The following ZNF234 variants were observed in gnomAD, a reference collection of about 807,000 sequenced individuals.
The protein encoded by ZNF234 is zinc finger protein 234.
ZNF234 carries 4 observed loss-of-function variants against 10.3 expected under a neutral mutation model. The observed-to-expected ratio is 0.39, with a 90% confidence interval of 0.19 to 0.89. The LOEUF is 0.89. Ranked by LOEUF, ZNF234 falls within the 40% of genes least tolerant of loss-of-function variation. The pLI is 0.38. For synonymous variants in ZNF234, 258 were observed against 280.1 expected, an observed-to-expected ratio of 0.92 and a Z score of 0.79; for missense variants, 711 against 836.1, an observed-to-expected ratio of 0.85 and a Z score of 1.85.
At chr19:44,156,221 C>T in intron 5 of ZNF234, 31 bp from the exon 6 acceptor site, 1 of 1,520,514 alleles carries the variant, frequency 6.6e-7, no homozygotes. Flanking sequence ...TTAACAGAGC[C>T]TCCACATCTC....
rs559254324 is a variant in ZNF234 at position 44,155,224 on chromosome 19, G to A, written c.236-1028G>A. Among the ~76,000 whole-genome samples the A allele has an allele frequency of 5.9e-5, 9 of 152,232 alleles. No individual in the cohort carries two copies. In the South Asian group the frequency reaches 1.9e-3, roughly 32 times the overall value. ...AATGTCTGTCAACACAGAAAAATAA[G>A]ATTAAGTGTATATGTTATGCAGAAT... is the stretch of plus-strand genomic sequence containing the variant. On this transcript the variant is annotated intron_variant, in intron 5 of 5. Transcript: ENST00000426739.
Position 44,158,880 on chromosome 19 carries a change from A to G in ZNF234, c.*761A>G, listed in dbSNP as rs1968975512. 6.6e-6 allele frequency: 1 copy of G among 152,484 alleles called. No individual in the cohort carries two copies. The highest frequency in any genetic ancestry group is 2.4e-5 in the African/African-American group (1 of 41,454). The allele number at this position is 152,484 out of a possible 1,614,324, so 9.4% of individuals were successfully genotyped here. ...CCGAATCTATACAACCTTAACATTG[A>G]CTAGTGCTTGTAGGTGTGCTCAATA... is the stretch of plus-strand genomic sequence containing the variant. On this transcript the variant is annotated 3_prime_UTR_variant, in exon 6 of 6. Coordinates refer to ENST00000426739, the MANE Select transcript of ZNF234 (RefSeq NM_006630.3).
In ZNF234 at chr19:44,147,067, G is replaced by A. The variant is rs1274029238; in HGVS notation, c.16-1704G>A. Among the ~76,000 whole-genome samples, 8 of 151,724 alleles carry A rather than the reference G, an allele frequency of 5.3e-5. No individual in the cohort carries two copies. The East Asian group carries it at 1.4e-3, about 26-fold the overall frequency. ...CTGACCTCATGATCCACCTGCCTCG[G>A]CCTCCCAAAGTGCTGGGATTACAGG... On this transcript the variant is annotated intron_variant, in intron 3 of 5. Coordinates refer to ENST00000426739, the MANE Select transcript of ZNF234 (RefSeq NM_006630.3).
chr19:44,150,511 A>G lies in ZNF234; in HGVS notation c.235+6A>G, dbSNP rs758401029. 2 of 1,571,524 alleles carry G rather than the reference A, an allele frequency of 1.3e-6. No individual in the cohort carries two copies. The highest frequency in any genetic ancestry group is 1.7e-6 in the Non-Finnish European group (2 of 1,157,992). ...TCAAAGAAAAGGGAAATCAGGTAAG[A>G]ACCAAGCAGCTAAGAGTCCTTGTAC... On this transcript the variant is annotated splice_donor_region_variant and intron_variant, in intron 5 of 5. Coordinates refer to ENST00000426739, the MANE Select transcript of ZNF234 (RefSeq NM_006630.3).
In ZNF234 at chr19:44,156,901, G is replaced by A; in HGVS notation, c.885G>A (p.Lys295=). ...CATTCAAATGTGATACATGTGGTAA[G>A]AACTTCCGTCGTAGATCAGCACTTA... is the stretch of plus-strand genomic sequence containing the variant. ...EKPFKCDTCG[K]NFRRRSALNN... is the part of the protein sequence containing the mutation. Residue 295 remains lysine (K), a synonymous_variant, in exon 6 of 6, where the codon AAG becomes AAA. Transcript: ENST00000426739. 1 of 1,613,914 alleles carries A rather than the reference G, an allele frequency of 6.2e-7. No homozygotes were observed. Among genetic ancestry groups the A allele is most frequent in the Non-Finnish European group, 8.5e-7 (1 of 1,179,876 alleles).
At chr19:44,153,401 T>G (rs1968797117) in intron 5 of ZNF234, among the ~76,000 whole-genome samples, 1 of 152,018 alleles carries the variant, frequency 6.6e-6, no homozygotes, top group South Asian at 2.1e-4. Flanking sequence ...CTGTATAGAT[T>G]GATATTATAG....
At chr19:44,154,613 T>G (rs149686766) in intron 5 of ZNF234, among the ~76,000 whole-genome samples, 30 of 142,464 alleles carry the variant, frequency 2.1e-4, no homozygotes, top group Non-Finnish European at 3.7e-4. Flanking sequence ...AGGAGGTAGA[T>G]TTTTTTCTCT....
At chr19:44,155,270 C>G (rs1968849539) in intron 5 of ZNF234, among the ~76,000 whole-genome samples, 1 of 152,048 alleles carries the variant, frequency 6.6e-6, no homozygotes, top group Admixed American at 6.6e-5. Context: ...ATGGTTGATC[C>G]TTGAACAACT....
Position 44,156,604 on chromosome 19 carries a change from A to C in ZNF234, c.588A>C (p.Arg196Ser), listed in dbSNP as rs1463875863. The C allele has an allele frequency of 6.2e-7, 1 of 1,614,212 alleles. No homozygotes were observed. The highest frequency in any genetic ancestry group is 1.1e-5 in the South Asian group (1 of 91,086). Residue 196 changes from arginine (R) to serine (S), a missense_variant, in exon 6 of 6, where the codon AGA becomes AGC. By Grantham distance (110) the Arg-to-Ser change is moderately radical. Transcript: ENST00000426739. Reference protein sequence around the residue: ...CYISALHIHQRVHMGEKCYKC... With the variant: ...CYISALHIHQSVHMGEKCYKC... Reference sequence around the variant, plus strand: ...TCTCAGCCCTTCATATTCATCAAAGAGTCCACATGGGAGAGAAATGCTATA... The same window carrying C: ...TCTCAGCCCTTCATATTCATCAAAGCGTCCACATGGGAGAGAAATGCTATA...
At position 44,152,789 on chromosome 19, in the gene ZNF234, C is replaced by G. The variant is rs75486190; in HGVS notation, c.235+2284C>G. The stretch of plus-strand genomic sequence containing the variant: ...ACACTGCCCATCTGAACCTCATTTG[C>G]TTCTTCCAAAGTGCCCATCCGTATC... On this transcript the variant is annotated intron_variant, in intron 5 of 5. Coordinates refer to ENST00000426739, the MANE Select transcript of ZNF234 (RefSeq NM_006630.3). Among the ~76,000 whole-genome samples the G allele has an allele frequency of 2.0e-3, 310 of 152,250 alleles. 6 individuals carry two copies. The East Asian group carries it at 0.05, about 25-fold the overall frequency.
Position 44,157,421 on chromosome 19 carries a change from T to G in ZNF234, c.1405T>G (p.Ser469Ala), listed in dbSNP as rs1461784455. 6.2e-7 allele frequency: 1 copy of G among 1,613,894 alleles called. No homozygotes were observed. Among genetic ancestry groups the G allele is most frequent in the Admixed American group, 1.7e-5 (1 of 60,004 alleles). The change falls in exon 6 of 6, where the codon TCA (serine) becomes GCA (alanine). Residue 469 changes from serine to alanine, a missense_variant. Ser to Ala is a moderately conservative substitution (Grantham distance 99, BLOSUM62 1). Coordinates refer to ENST00000426739, the MANE Select transcript of ZNF234 (RefSeq NM_006630.3). ...EECGQGFNQSSRLQIHQLIHT... is the reference protein window; with the variant it reads ...EECGQGFNQSARLQIHQLIHT... ...GTGTGGGCAGGGCTTCAATCAGAGCTCACGACTTCAGATTCACCAGCTGAT... is the reference window on the plus strand; with the variant it reads ...GTGTGGGCAGGGCTTCAATCAGAGCGCACGACTTCAGATTCACCAGCTGAT...
At position 44,156,707 on chromosome 19, in the gene ZNF234, C is replaced by T. The variant is rs776133348; in HGVS notation, c.691C>T (p.Pro231Ser). Residue 231 changes from proline to serine, a missense_variant, in exon 6 of 6, where the codon CCA becomes TCA. Pro to Ser is a moderately conservative substitution (Grantham distance 74, BLOSUM62 -1). Coordinates refer to ENST00000426739, the MANE Select transcript of ZNF234 (RefSeq NM_006630.3). ...TCAGAGAGTCCACACTGTAGAGAAACCATTCAAATGTGTGGAATGTGGGAA... is the reference window on the plus strand; with the variant it reads ...TCAGAGAGTCCACACTGTAGAGAAATCATTCAAATGTGTGGAATGTGGGAA... Reference protein sequence around the residue: ...THQRVHTVEKPFKCVECGKGF... With the variant: ...THQRVHTVEKSFKCVECGKGF... 1 of 1,614,104 alleles carries T rather than the reference C, an allele frequency of 6.2e-7. No homozygotes were observed. Among genetic ancestry groups the T allele is most frequent in the Admixed American group, 1.7e-5 (1 of 60,016 alleles).
chr19:44,156,514 T>C lies in ZNF234; in HGVS notation c.498T>C (p.His166=), dbSNP rs1204600346. 6.2e-7 allele frequency: 1 copy of C among 1,614,144 alleles called. No individual in the cohort carries two copies. Among genetic ancestry groups the C allele is most frequent in the Non-Finnish European group, 8.5e-7 (1 of 1,180,048 alleles). ...CTGATGTCTTCAACTTTGATCTTCA[T>C]CAACAGTTACACTCAGGAGAGAAGT... ...SFTDVFNFDL[H]QQLHSGEKSH... is the part of the protein sequence containing the mutation. Residue 166 remains histidine, a synonymous_variant, in exon 6 of 6, where the codon CAT becomes CAC. Coordinates refer to ENST00000426739, the MANE Select transcript of ZNF234 (RefSeq NM_006630.3).
chr19:44,147,399 G>T (rs777572985), intron 3 of ZNF234, among the ~76,000 whole-genome samples: 28 of 151,744 alleles, frequency 1.8e-4, no homozygotes, highest in Non-Finnish European at 3.4e-4. Flanking sequence ...ACCACATGCA[G>T]CTAATTTTTT....
intron 2 of ZNF234, 92 bp from the exon 3 acceptor site, chr19:44,144,465 G>C (rs1276406605): frequency 4.3e-6 from 2 of 470,422 alleles, no homozygotes; most frequent in Non-Finnish European, 3.6e-6. Flanking sequence ...TAATGCCACC[G>C]TGACCATTCG....
At chr19:44,143,533 C>T (rs1440680558) in intron 2 of ZNF234, among the ~76,000 whole-genome samples, 1 of 151,036 alleles carries the variant, frequency 6.6e-6, no homozygotes, top group African/African-American at 2.4e-5. Flanking sequence ...GGTGTTAACC[C>T]GGGAGGCGGA....
Position 44,158,784 on chromosome 19 carries a change from A to C in ZNF234, c.*665A>C. On this transcript the variant is annotated 3_prime_UTR_variant, in exon 6 of 6. Transcript: ENST00000426739. ...ATGAGTTTGACCTGGGCTTTAAAAA[A>C]GTATACTGATGAAGGTGCCAGAATT... is the stretch of plus-strand genomic sequence containing the variant. 1 of 154,232 alleles carries C rather than the reference A, an allele frequency of 6.5e-6. No individual in the cohort carries two copies. The highest frequency in any genetic ancestry group is 1.9e-4 in the East Asian group (1 of 5,218). The allele number at this position is 154,232 out of a possible 1,614,324, so 9.6% of individuals were successfully genotyped here.
At chr19:44,153,191 TGCGCC>T (rs1968791715) in intron 5 of ZNF234, among the ~76,000 whole-genome samples, 3 of 144,762 alleles carry the variant, frequency 2.1e-5, no homozygotes, top group African/African-American at 5.1e-5. Context: ...TATATATATA[TGCGCC>T]AAGAGTTACA....
rs1212029593 is a variant in ZNF234 at position 44,158,584 on chromosome 19, G to A, written c.*465G>A. ...AAATGATTGCCTTCTAATTACAGTA[G>A]CATTCTCTTATTTAAAATATTTGTT... On this transcript the variant is annotated 3_prime_UTR_variant, in exon 6 of 6. Transcript: ENST00000426739. The A allele has an allele frequency of 5.2e-6, 1 of 190,928 alleles. No individual in the cohort carries two copies. The highest frequency in any genetic ancestry group is 1.1e-5 in the Non-Finnish European group (1 of 91,486). 11.8% of individuals were successfully genotyped at this position (190,928 alleles called of 1,614,324 possible). A position where few individuals can be genotyped will look rare whatever the true frequency, so the allele number is the denominator to read the frequency against.
Sources: allele counts gnomAD v4.1 joint callset (sites outside exome capture counted in the v4.1 genomes callset), GRCh38; gene constraint gnomAD v4.1.1; transcripts MANE v1.5; gene names NCBI Gene and HGNC (gene_info 2026-07-23, HGNC 2026-07-21).